UGP2: variants seen among roughly 807,000 people sequenced by gnomAD.
UGP2 encodes the protein UTP--glucose-1-phosphate uridylyltransferase.
A neutral mutation model predicts 49.0 loss-of-function variants in UGP2; 40 were observed. The observed-to-expected ratio is 0.82, with a 90% confidence interval of 0.63 to 1.06. The LOEUF is 1.06. Ranked by LOEUF, UGP2 falls within the 50% of genes least tolerant of loss-of-function variation. The probability of loss-of-function intolerance (pLI) is 0.00; values close to 1 mark genes in which losing one functional copy is unlikely to be tolerated. For missense variants in UGP2, 460 were observed against 603.5 expected (o/e 0.76, Z 2.49); for synonymous variants, 225 against 213.0 (o/e 1.06, Z -0.49).
chr2:63,891,095 C>G, intron 9 of UGP2, 25 bp from the exon 10 acceptor site: 1 of 1,591,566 alleles, frequency 6.3e-7, no homozygotes, highest in Admixed American at 1.7e-5. Flanking sequence ...TGCAAGTACA[C>G]TCTTTTGTTT....
intron 1 of UGP2, among the ~76,000 whole-genome samples, chr2:63,844,569 T>C (rs1396311647): frequency 6.6e-6 from 1 of 152,120 alleles, no homozygotes; most frequent in East Asian, 1.9e-4. Flanking sequence ...GATTGATTGA[T>C]AGATTGATTT....
intron 1 of UGP2, among the ~76,000 whole-genome samples, chr2:63,852,790 G>A (rs1669127136): frequency 6.6e-6 from 1 of 152,224 alleles, no homozygotes. Flanking sequence ...ATTGTCCAAT[G>A]TGAGGGGAAA....
At chr2:63,859,871 G>A (rs1669714403) in intron 3 of UGP2, among the ~76,000 whole-genome samples, 1 of 152,124 alleles carries the variant, frequency 6.6e-6, no homozygotes, top group Non-Finnish European at 1.5e-5. Context: ...AAATAAGTTT[G>A]CTCTTCAACT....
intron 3 of UGP2, 152 bp downstream of exon 3, chr2:63,858,088 G>A: frequency 1.5e-6 from 1 of 666,386 alleles, no homozygotes; most frequent in East Asian, 2.8e-5. Context: ...CTGAAACTAT[G>A]GAGACAGCCT....
chr2:63,875,581 A>G (rs1238241886), intron 3 of UGP2, among the ~76,000 whole-genome samples: 1 of 152,192 alleles, frequency 6.6e-6, no homozygotes, highest in Non-Finnish European at 1.5e-5. Flanking sequence ...TTCTGCAGAA[A>G]AACTAGATTG....
At chr2:63,881,195 A>G (rs918303035) in intron 3 of UGP2, among the ~76,000 whole-genome samples, 3 of 152,182 alleles carry the variant, frequency 2.0e-5, no homozygotes, top group Admixed American at 6.5e-5. Flanking sequence ...TTTTGTGGAA[A>G]GCTGTTAAAA....
At chr2:63,857,077 A>T (rs1433090303) in intron 2 of UGP2, among the ~76,000 whole-genome samples, 1 of 152,032 alleles carries the variant, frequency 6.6e-6, no homozygotes, top group African/African-American at 2.4e-5. Flanking sequence ...AGGCAGGAGG[A>T]TTGCTTGAGC....
chr2:63,884,236 T>A, intron 5 of UGP2, 143 bp downstream of exon 5: 1 of 962,180 alleles, frequency 1.0e-6, no homozygotes, highest in Non-Finnish European at 1.5e-6. Flanking sequence ...AAGCTGAGCA[T>A]TTGTTGATAT....
chr2:63,874,309 G>A (rs1670760271), intron 3 of UGP2, among the ~76,000 whole-genome samples: 1 of 152,176 alleles, frequency 6.6e-6, no homozygotes, highest in Non-Finnish European at 1.5e-5. Flanking sequence ...TTGAGAGATG[G>A]AGGGTGGGTT....
At chr2:63,847,854 G>C (rs576892950) in intron 1 of UGP2, among the ~76,000 whole-genome samples, 41 of 152,338 alleles carry the variant, frequency 2.7e-4, no homozygotes, top group Admixed American at 2.5e-3. Flanking sequence ...GGCCATCTGG[G>C]CGTATACGTG....
intron 3 of UGP2, among the ~76,000 whole-genome samples, chr2:63,874,723 TGTG>T (rs916062284): frequency 1.3e-4 from 19 of 151,954 alleles, no homozygotes; most frequent in East Asian, 7.8e-4. Context: ...GTGCTGTCCT[TGTG>T]GTAATGAATG....
At position 63,842,496 on chromosome 2, in the gene UGP2, G is replaced by A. The variant is rs912788487; in HGVS notation, c.19+292G>A. The stretch of plus-strand genomic sequence containing the variant: ...TGTAAGTGATAAAACAGGATTTTTG[G>A]CTGCTAATTAATCCTTGTTCTCTTT... On this transcript the variant is annotated intron_variant, in intron 1 of 9. Coordinates refer to ENST00000337130, the MANE Select transcript of UGP2 (RefSeq NM_006759.4). 6.5e-6 allele frequency: 10 copies of A among 1,536,376 alleles called. No homozygotes were observed. The African/African-American group carries it at 1.1e-4, about 17-fold the overall frequency.
At position 63,842,257 on chromosome 2, in the gene UGP2, T is replaced by TGA. The variant is rs1671607960; in HGVS notation, c.19+54_19+55dup. On this transcript the variant is annotated intron_variant, in intron 1 of 9. Coordinates refer to ENST00000337130, the MANE Select transcript of UGP2 (RefSeq NM_006759.4). ...AGTTGCTTCAGGCAAATTTGGGTAC[T>TGA]GACAGTGGAGAGGTTGGTGGGTGGT... 7.5e-6 allele frequency: 12 copies of TGA among 1,608,538 alleles called. 1 individual carries two copies. The East Asian group carries it at 2.7e-4, about 36-fold the overall frequency.
At chr2:63,861,504 CAT>C (rs2104294252) in intron 3 of UGP2, among the ~76,000 whole-genome samples, 1 of 151,412 alleles carries the variant, frequency 6.6e-6, no homozygotes, top group East Asian at 1.9e-4. Context: ...GCACAGGCAA[CAT>C]AGACCTCACC....
At chr2:63,864,309 T>A (rs1670034257) in intron 3 of UGP2, among the ~76,000 whole-genome samples, 1 of 152,054 alleles carries the variant, frequency 6.6e-6, no homozygotes, top group African/African-American at 2.4e-5. Flanking sequence ...GTGTAGATAG[T>A]CAGGCCCTAA....
chr2:63,857,711 C>G, intron 2 of UGP2, 118 bp from the exon 3 acceptor site: 3 of 1,084,038 alleles, frequency 2.8e-6, no homozygotes, highest in Non-Finnish European at 2.7e-6. Flanking sequence ...CCTCCATGTC[C>G]TAATGGTGTA....
At chr2:63,860,321 T>A (rs1159736097) in intron 3 of UGP2, among the ~76,000 whole-genome samples, 1 of 152,226 alleles carries the variant, frequency 6.6e-6, no homozygotes, top group Non-Finnish European at 1.5e-5. Context: ...ACCTGGTTTG[T>A]AAGTAAAGTT....
intron 3 of UGP2, among the ~76,000 whole-genome samples, chr2:63,863,556 A>G (rs1411793443): frequency 6.6e-6 from 1 of 152,226 alleles, no homozygotes; most frequent in Non-Finnish European, 1.5e-5. Flanking sequence ...TAAGTAGGTT[A>G]ACACATGAGC....
chr2:63,870,185 G>T (rs1670458144), intron 3 of UGP2, among the ~76,000 whole-genome samples: 1 of 152,156 alleles, frequency 6.6e-6, no homozygotes, highest in Non-Finnish European at 1.5e-5. Context: ...GTCTCCCAAA[G>T]TGCTGGGATT....
Sources: gnomAD v4.1 joint callset for allele counts (sites outside exome capture counted in the v4.1 genomes callset) on GRCh38, gnomAD v4.1.1 for gene constraint, MANE v1.5 for transcripts, NCBI Gene and HGNC (gene_info 2026-07-23, HGNC 2026-07-21) for gene names.